Variants in UBE2E2 observed in about 807,000 individuals in gnomAD.
The protein encoded by UBE2E2 is ubiquitin conjugating enzyme E2 E2.
UBE2E2 carries 6 observed loss-of-function variants against 24.7 expected under a neutral mutation model. The observed-to-expected ratio is 0.24, with a 90% CI of 0.13 to 0.48. UBE2E2 has a LOEUF of 0.48. UBE2E2 is among the 20% of genes least tolerant of loss of function. The pLI is 0.99. For missense variants in UBE2E2, 169 were observed against 245.0 expected (o/e 0.69, Z 2.07); for synonymous variants, 104 against 83.6 (o/e 1.24, Z -1.33).
chr3:23,327,070 T>A (rs1168247203), intron 3 of UBE2E2, among the ~76,000 whole-genome samples: 4 of 152,236 alleles, frequency 2.6e-5, no homozygotes, highest in Non-Finnish European at 2.9e-5. Flanking sequence ...ATCCAGTCTG[T>A]CATTGTTGGA....
chr3:23,281,138 G>A (rs1051219331), intron 3 of UBE2E2, among the ~76,000 whole-genome samples: 3 of 152,150 alleles, frequency 2.0e-5, no homozygotes, highest in Non-Finnish European at 4.4e-5. Flanking sequence ...CTGTAACACT[G>A]GGGACTTGAG....
chr3:23,410,148 A>G (rs1375958474), intron 3 of UBE2E2, among the ~76,000 whole-genome samples: 2 of 150,736 alleles, frequency 1.3e-5, no homozygotes, highest in Non-Finnish European at 3.0e-5. Flanking sequence ...GTAGATTTGG[A>G]GTTATGGTTT....
intron 3 of UBE2E2, among the ~76,000 whole-genome samples, chr3:23,419,660 G>T (rs888342042): frequency 6.6e-6 from 1 of 152,142 alleles, no homozygotes; most frequent in African/African-American, 2.4e-5. Flanking sequence ...AAACTAGATT[G>T]TGAGCTCCCT....
chr3:23,314,955 T>C (rs998427064), intron 3 of UBE2E2, among the ~76,000 whole-genome samples: 1 of 152,236 alleles, frequency 6.6e-6, no homozygotes, highest in African/African-American at 2.4e-5. Context: ...GTTGGTTTTC[T>C]ATAAACTTCT....
intron 5 of UBE2E2, among the ~76,000 whole-genome samples, chr3:23,568,821 A>G (rs1263634314): frequency 6.6e-6 from 1 of 151,412 alleles, no homozygotes; most frequent in East Asian, 1.9e-4. Context: ...ATTCTTTAAA[A>G]TCTAGTATCC....
intron 3 of UBE2E2, among the ~76,000 whole-genome samples, chr3:23,487,877 T>A (rs1575662197): frequency 6.6e-6 from 1 of 152,296 alleles, no homozygotes. Context: ...GTTAGTCTTC[T>A]GGTTGAATTG....
chr3:23,546,536 C>T (rs1411060261), intron 5 of UBE2E2, among the ~76,000 whole-genome samples: 1 of 125,860 alleles, frequency 7.9e-6, no homozygotes, highest in Non-Finnish European at 1.5e-5. Context: ...TGCAATGGTG[C>T]GATCTCAGCT....
chr3:23,442,792 G>T (rs1054900091), intron 3 of UBE2E2, among the ~76,000 whole-genome samples: 2 of 152,164 alleles, frequency 1.3e-5, no homozygotes, highest in African/African-American at 4.8e-5. Flanking sequence ...AGGGGGCGTG[G>T]TTACTGATTC....
chr3:23,246,856 T>A (rs1258723019), intron 3 of UBE2E2, among the ~76,000 whole-genome samples: 1 of 152,194 alleles, frequency 6.6e-6, no homozygotes, highest in Non-Finnish European at 1.5e-5. Context: ...ATTTATTAAG[T>A]AAATTAAAAA....
chr3:23,270,867 A>T (rs1236269457), intron 3 of UBE2E2: 4 of 454,916 alleles, frequency 8.8e-6, no homozygotes, highest in Non-Finnish European at 1.3e-5. Flanking sequence ...GTGTTTAATT[A>T]CAAGTCTCAG....
intron 3 of UBE2E2, among the ~76,000 whole-genome samples, chr3:23,395,343 G>C (rs187777457): frequency 6.6e-6 from 1 of 152,178 alleles, no homozygotes; most frequent in Non-Finnish European, 1.5e-5. Flanking sequence ...GCAGTGAAGG[G>C]TAAGATGAGA....
At chr3:23,529,168 C>T (rs534802809) in intron 4 of UBE2E2, among the ~76,000 whole-genome samples, 2 of 152,262 alleles carry the variant, frequency 1.3e-5, no homozygotes, top group East Asian at 3.9e-4. Context: ...CTATGGCTAT[C>T]GCAGGGTACC....
Position 23,407,567 on chromosome 3 carries a change from G to C in UBE2E2, c.228-92041G>C, listed in dbSNP as rs1217510624. Among the ~76,000 whole-genome samples the C allele has an allele frequency of 6.6e-6, 1 of 151,134 alleles. No homozygotes were observed. Among genetic ancestry groups the C allele is most frequent in the African/African-American group, 2.4e-5 (1 of 40,980 alleles). On this transcript the variant is annotated intron_variant, in intron 3 of 5. Transcript: ENST00000396703. This position sits in a 1 kb window ranked among gnomAD's most constrained non-coding sequence, Gnocchi z 4.0. ...TTGCTACATCCTTTATCTCCTCTGC[G>C]CCCCTCCCTCTACTTTTTATGGTTT...
At chr3:23,290,351 CTG>C (rs1240995953) in intron 3 of UBE2E2, among the ~76,000 whole-genome samples, 1 of 152,204 alleles carries the variant, frequency 6.6e-6, no homozygotes, top group Admixed American at 6.5e-5. Context: ...GTTTCTGAGA[CTG>C]TAATGTATGT....
chr3:23,237,326 A>G (rs1559451119), intron 3 of UBE2E2, among the ~76,000 whole-genome samples: 1 of 152,186 alleles, frequency 6.6e-6, no homozygotes. Flanking sequence ...GTTTCATGTA[A>G]TAGACAAATA....
At chr3:23,371,004 A>G (rs1012658082) in intron 3 of UBE2E2, among the ~76,000 whole-genome samples, 2 of 152,204 alleles carry the variant, frequency 1.3e-5, no homozygotes, top group Non-Finnish European at 2.9e-5. Context: ...AATAGAATCT[A>G]TAACCAATTG....
At chr3:23,480,139 C>T in intron 3 of UBE2E2, among the ~76,000 whole-genome samples, 1 of 152,216 alleles carries the variant, frequency 6.6e-6, no homozygotes, top group East Asian at 1.9e-4. Context: ...AGGTCCATGC[C>T]AAGCTGCCCG....
rs1489681428 is a variant in UBE2E2, at chr3:23,583,865, G to T, written c.509-5869G>T. On this transcript the variant is annotated intron_variant, in intron 5 of 5. Transcript: ENST00000396703. This position sits in a 1 kb window ranked among gnomAD's most constrained non-coding sequence, Gnocchi z 4.1. ...ATAGAATCATATCGTCTACAAACAG[G>T]GATAGTTTGACTTCCTCCCTTCCTA... Among the ~76,000 whole-genome samples the T allele has an allele frequency of 6.6e-6, 1 of 152,124 alleles. No individual in the cohort carries two copies. The highest frequency in any genetic ancestry group is 2.4e-5 in the African/African-American group (1 of 41,406).
At chr3:23,531,413 T>G (rs1408371874) in intron 4 of UBE2E2, among the ~76,000 whole-genome samples, 1 of 152,212 alleles carries the variant, frequency 6.6e-6, no homozygotes, top group Non-Finnish European at 1.5e-5. Context: ...ACATAACACT[T>G]TTATTAAACA....
Sources: gnomAD v4.1 joint callset for allele counts (sites outside exome capture counted in the v4.1 genomes callset) on GRCh38, gnomAD v4.1.1 for gene constraint, Gnocchi (gnomAD v3.1) non-coding constraint, MANE v1.5 for transcripts, NCBI Gene and HGNC (gene_info 2026-07-23, HGNC 2026-07-21) for gene names.